DOCK9: variants seen among roughly 807,000 people sequenced by gnomAD.
DOCK9 encodes the protein dedicator of cytokinesis protein 9.
A neutral mutation model predicts 263.3 loss-of-function variants in DOCK9; 89 were observed. The ratio of observed to expected loss-of-function variants is 0.34; its 90% CI spans 0.28 to 0.40. The LOEUF (loss-of-function observed/expected upper bound fraction) is 0.40. Among genes scored for constraint, DOCK9 ranks in the 10% least tolerant of loss-of-function variants. The pLI is 1.00. For synonymous variants in DOCK9, 976 were observed against 973.1 expected (o/e 1.00, Z -0.06); for missense variants, 2,140 against 2,603.4 (o/e 0.82, Z 3.87).
At chr13:98,972,048 A>T (rs1445620353) in intron 1 of DOCK9, among the ~76,000 whole-genome samples, 1 of 152,174 alleles carries the variant, frequency 6.6e-6, no homozygotes, top group Non-Finnish European at 1.5e-5. Flanking sequence ...TGAATCGTGC[A>T]TATGTGTCCA....
Position 98,860,533 on chromosome 13 carries a change from G to A in DOCK9, c.3580-11C>T. 1.3e-6 allele frequency: 2 copies of A among 1,548,478 alleles called. No homozygotes were observed. The highest frequency in any genetic ancestry group is 1.7e-6 in the Non-Finnish European group (2 of 1,144,540). On this transcript the variant is annotated splice_polypyrimidine_tract_variant and intron_variant, in intron 32 of 52. Transcript: ENST00000682017. ...TTCATCCTTCACAGTCTGTCAAGGAGAGGAAAGCAGAAACAATCAAAGATG... is the reference window on the plus strand; with the variant it reads ...TTCATCCTTCACAGTCTGTCAAGGAAAGGAAAGCAGAAACAATCAAAGATG...
chr13:98,847,332 A>G (rs1324082381), intron 37 of DOCK9: 1 of 152,310 alleles, frequency 6.6e-6, no homozygotes, highest in African/African-American at 2.4e-5. Context: ...ATCCAAGTCA[A>G]GGTAGAAGAC....
rs377265095 is a variant in DOCK9, at chr13:99,013,476, T to C, written c.130-57925A>G. 1.1e-3 allele frequency among the ~76,000 whole-genome samples: 160 copies of C among 152,352 alleles called. 2 individuals carry two copies. Among genetic ancestry groups the C allele is most frequent in the African/African-American group, 3.7e-3 (153 of 41,572 alleles). ...CCTAGTAACACATACTACTAATTAC[T>C]ATTACTACGCTTATGCTGTTATTCT... On this transcript the variant is annotated intron_variant, in intron 1 of 32. Transcript: ENST00000427887.
rs1217674343 is a variant in DOCK9 at position 98,825,781 on chromosome 13, A to G, written c.5023+1049T>C. The G allele has an allele frequency of 3.7e-6, 3 of 820,308 alleles. No homozygotes were observed. The East Asian group carries it at 9.8e-5, about 27-fold the overall frequency. 50.8% of individuals were successfully genotyped at this position (820,308 alleles called of 1,614,324 possible). On this transcript the variant is annotated intron_variant, in intron 44 of 52. Coordinates refer to ENST00000682017, the MANE Select transcript of DOCK9 (RefSeq NM_001366683.2). This position sits in a 1 kb window ranked among gnomAD's most constrained non-coding sequence, Gnocchi z 4.1. ...GAGGGAAGGAGAGTGAAGTCTGTCC[A>G]TGCAAAGTTAAAAGGGCAAATCCCC...
chr13:98,957,024 A>T (rs1180609445), intron 1 of DOCK9, among the ~76,000 whole-genome samples: 4 of 152,156 alleles, frequency 2.6e-5, no homozygotes, highest in African/African-American at 9.7e-5. Flanking sequence ...CACCCATGTG[A>T]CTGTCTTCTA....
In DOCK9 at chr13:98,829,556, G is replaced by T. The variant is rs778481829; in HGVS notation, c.4750-34C>A. On this transcript the variant is annotated intron_variant, in intron 42 of 52. Transcript: ENST00000682017. The surrounding 1 kb of genome is among the most constrained non-coding windows in gnomAD (Gnocchi z 4.1). ...AGGGTGGAAGAGGAAAGGACACATGGCTTCCTCTGTTTGCTGCCTGTCCAC... is the reference window on the plus strand; with the variant it reads ...AGGGTGGAAGAGGAAAGGACACATGTCTTCCTCTGTTTGCTGCCTGTCCAC... The T allele has an allele frequency of 6.9e-6, 11 of 1,592,770 alleles. No homozygotes were observed.
chr13:99,079,231 T>C (rs2042029267), intron 1 of DOCK9, among the ~76,000 whole-genome samples: 1 of 152,214 alleles, frequency 6.6e-6, no homozygotes, highest in Admixed American at 6.5e-5. Context: ...CAAATATTGT[T>C]TCTAAGCTTA....
intron 50 of DOCK9, among the ~76,000 whole-genome samples, 191 bp downstream of exon 50, chr13:98,800,097 G>T (rs921623539): frequency 6.6e-6 from 1 of 152,096 alleles, no homozygotes; most frequent in African/African-American, 2.4e-5. Context: ...CTCATGGGGC[G>T]GGGGGCAGGG....
chr13:98,841,897 C>T (rs2093232941), intron 38 of DOCK9, among the ~76,000 whole-genome samples: 1 of 151,998 alleles, frequency 6.6e-6, no homozygotes, highest in African/African-American at 2.4e-5. Context: ...CCTGTCTCAG[C>T]CTCCCAAAGT....
intron 1 of DOCK9, among the ~76,000 whole-genome samples, chr13:99,056,433 A>G (rs924620264): frequency 6.6e-6 from 1 of 152,232 alleles, no homozygotes; most frequent in Admixed American, 6.5e-5. Flanking sequence ...AGATACATTA[A>G]TATCTTTAAA....
In DOCK9 at chr13:98,822,136, G is replaced by A. The variant is rs377447450; in HGVS notation, c.5130+2262C>T. Among the ~76,000 whole-genome samples, 11 of 152,320 alleles carry A rather than the reference G, an allele frequency of 7.2e-5. 1 individual carries two copies. Among genetic ancestry groups the A allele is most frequent in the African/African-American group, 2.4e-4 (10 of 41,566 alleles). ...GCTGTGTCACATCCTAATCACCACA[G>A]ATTGTCATGTACTATGGACCTTGTT... On this transcript the variant is annotated intron_variant, in intron 45 of 52. Coordinates refer to ENST00000682017, the MANE Select transcript of DOCK9 (RefSeq NM_001366683.2).
intron 19 of DOCK9, among the ~76,000 whole-genome samples, chr13:98,886,322 T>C (rs1160947348): frequency 6.6e-6 from 1 of 152,240 alleles, no homozygotes; most frequent in African/African-American, 2.4e-5. Flanking sequence ...TTCTGTATTA[T>C]CTGCATTATC....
chr13:98,850,247 C>T, intron 35 of DOCK9, 134 bp from the exon 36 acceptor site: 1 of 573,486 alleles, frequency 1.7e-6, no homozygotes, highest in Non-Finnish European at 3.0e-6. Flanking sequence ...AAACCCTTCC[C>T]CTGCCCTCTT....
intron 1 of DOCK9, among the ~76,000 whole-genome samples, chr13:99,063,092 G>A (rs1173804260): frequency 1.3e-5 from 2 of 152,216 alleles, no homozygotes; most frequent in African/African-American, 4.8e-5. Context: ...GCCAGCAACA[G>A]AAAGAATCAC....
intron 15 of DOCK9, among the ~76,000 whole-genome samples, chr13:98,889,709 T>G (rs2046329452): frequency 6.6e-6 from 1 of 152,122 alleles, no homozygotes; most frequent in South Asian, 2.1e-4. Flanking sequence ...CCTCTATCTT[T>G]CAACCACCTA....
intron 33 of DOCK9, 76 bp from the exon 34 acceptor site, chr13:98,856,107 A>T: frequency 6.7e-7 from 1 of 1,496,842 alleles, no homozygotes; most frequent in Non-Finnish European, 9.1e-7. Context: ...ACTTTAAGGG[A>T]AATTGCTTTT....
upstream of DOCK9, among the ~76,000 whole-genome samples, chr13:98,982,501 C>T (rs1158627486): frequency 6.6e-6 from 1 of 152,162 alleles, no homozygotes; most frequent in East Asian, 1.9e-4. Context: ...TCAGAGTTTA[C>T]CTTTTATTAA....
chr13:98,881,827 G>T, intron 24 of DOCK9, 65 bp downstream of exon 24: 1 of 1,385,950 alleles, frequency 7.2e-7, no homozygotes, highest in Non-Finnish European at 1.0e-6. Flanking sequence ...TCCCAGCTAT[G>T]CATGACTATG....
Position 98,831,375 on chromosome 13 carries a change from C to G in DOCK9, c.4608G>C (p.Lys1536Asn). 6.2e-7 allele frequency: 1 copy of G among 1,605,198 alleles called. No individual in the cohort carries two copies. The highest frequency in any genetic ancestry group is 8.5e-7 in the Non-Finnish European group (1 of 1,175,614). The change falls in exon 41 of 53, where the codon AAG becomes AAC. Residue 1536 changes from lysine to asparagine, a missense_variant. Lys to Asn is a moderately conservative substitution (Grantham distance 94). Around this residue, in one of 2 missense-constraint regions of DOCK9, gnomAD observed 619 missense variants for 861.8 expected, o/e 0.72. Transcript: ENST00000682017. ...GCAAATGTGTCCGGACAAAGGACTT[C>G]TTTCCAGTGTAATCAAAGTTGTTCC... is the stretch of plus-strand genomic sequence containing the variant. ...LMRNNFDYTG[K>N]KSFVRTHLQV... is the part of the protein sequence containing the mutation.
Sources: gnomAD v4.1 joint callset for allele counts (sites outside exome capture counted in the v4.1 genomes callset) on GRCh38, gnomAD v4.1.1 for gene constraint, gnomAD v4.1.1 regional missense constraint, Gnocchi (gnomAD v3.1) non-coding constraint, MANE v1.5 for transcripts, NCBI Gene and HGNC (gene_info 2026-07-23, HGNC 2026-07-21) for gene names.